The following NAXD variants were observed in gnomAD, a reference collection of about 807,000 sequenced individuals.
NAXD encodes the protein ATP-dependent (S)-NAD(P)H-hydrate dehydratase.
Under a neutral mutation model 35.8 loss-of-function variants are expected in NAXD, and 22 were observed. That is an observed-to-expected ratio of 0.62 (90% CI 0.44 to 0.88). The LOEUF (loss-of-function observed/expected upper bound fraction) is 0.88, where lower values mean the gene tolerates loss of function less well. NAXD is among the 40% of genes least tolerant of loss of function. The pLI is 0.00. For missense variants in NAXD, 428 were observed against 437.7 expected, an observed-to-expected ratio of 0.98 and a Z score of 0.20; for synonymous variants, 189 against 177.6, an observed-to-expected ratio of 1.06 and a Z score of -0.51.
In NAXD at chr13:110,638,486, CGCCGAGGTGGGG is replaced by C; in HGVS notation, c.953_964del (p.Glu318_Ala321del). On this transcript the variant is annotated inframe_deletion, in exon 10 of 10. Transcript: ENST00000680254. This position sits in a 1 kb window ranked among gnomAD's most constrained non-coding sequence, Gnocchi z 5.4. ...GCTCCACCACCACCTCCGACATGAT[CGCCGAGGTGGGG>C]GCCGCCTTCAGCAAGCTCTTTGAAA... The C allele has an allele frequency of 6.2e-7, 1 of 1,613,066 alleles. No individual in the cohort carries two copies. The highest frequency in any genetic ancestry group is 1.7e-5 in the Admixed American group (1 of 59,986).
Position 110,627,497 on chromosome 13 carries a change from G to A in NAXD, c.391G>A (p.Val131Ile), listed in dbSNP as rs3742192. 19,456 of 1,614,054 alleles carry A rather than the reference G, an allele frequency of 0.012. 792 individuals carry two copies. The highest frequency in any genetic ancestry group is 0.089 in the African/African-American group (6,678 of 74,986). The change falls in exon 5 of 10, where the codon GTC becomes ATC. Residue 131 changes from valine to isoleucine, a missense_variant. By Grantham distance (29) the Val-to-Ile change is conservative. Coordinates refer to ENST00000680254, the MANE Select transcript of NAXD (RefSeq NM_001242882.2). ...EKWLPRLHAL[V>I]VGPGLGRDDA... ...GTGGCTGCCCCGGCTGCATGCTCTT[G>A]TCGTAGGACCTGGCTTGGGTAGAGA...
At chr13:110,617,050 AG>A (rs1886087245) in intron 1 of NAXD, among the ~76,000 whole-genome samples, 1 of 152,244 alleles carries the variant, frequency 6.6e-6, no homozygotes, top group Non-Finnish European at 1.5e-5. Context: ...CACCGTGATT[AG>A]TAGCAAGATT....
intron 8 of NAXD, 123 bp from the exon 9 acceptor site, chr13:110,637,006 G>A: frequency 8.9e-7 from 1 of 1,123,754 alleles, no homozygotes; most frequent in South Asian, 1.7e-5. Context: ...GATGTGAGTG[G>A]AGCCTCAGGC....
chr13:110,634,921 C>G, intron 7 of NAXD, 145 bp downstream of exon 7: 1 of 673,420 alleles, frequency 1.5e-6, no homozygotes, highest in Non-Finnish European at 2.6e-6. Context: ...GATGGCGCGT[C>G]TTCCCATTAA....
At chr13:110,624,463 C>T (rs1886384789) in intron 3 of NAXD, among the ~76,000 whole-genome samples, 184 bp downstream of exon 3, 1 of 152,124 alleles carries the variant, frequency 6.6e-6, no homozygotes, top group Admixed American at 6.6e-5. Flanking sequence ...TCAGTTGAAG[C>T]TCATTTTTTT....
intron 5 of NAXD, among the ~76,000 whole-genome samples, chr13:110,633,036 TCAGCCC>T (rs1229868521): frequency 1.3e-5 from 2 of 152,172 alleles, no homozygotes; most frequent in East Asian, 3.9e-4. Flanking sequence ...TTCGCATTCC[TCAGCCC>T]TTGGGTGGTC....
intron 2 of NAXD, among the ~76,000 whole-genome samples, chr13:110,622,684 A>G (rs570104169): frequency 1.2e-4 from 18 of 152,338 alleles, no homozygotes; most frequent in Admixed American, 4.6e-4. Context: ...TATTTAGGAT[A>G]GAAACACTCA....
intron 1 of NAXD, among the ~76,000 whole-genome samples, chr13:110,620,454 C>A (rs1298402851): frequency 6.6e-6 from 1 of 151,936 alleles, no homozygotes; most frequent in Admixed American, 6.6e-5. Context: ...GTGGCATGCG[C>A]CTGTAGTCCC....
At chr13:110,631,134 T>C (rs1054855231) in intron 5 of NAXD, among the ~76,000 whole-genome samples, 22 of 152,324 alleles carry the variant, frequency 1.4e-4, no homozygotes, top group African/African-American at 5.1e-4. Flanking sequence ...GAACCCACGT[T>C]GTCTGAATCT....
At chr13:110,619,078 G>T (rs1833300321) in intron 1 of NAXD, among the ~76,000 whole-genome samples, 1 of 152,220 alleles carries the variant, frequency 6.6e-6, no homozygotes, top group Non-Finnish European at 1.5e-5. Flanking sequence ...CCACCTGACA[G>T]GTGCTCCACC....
At chr13:110,620,329 C>G (rs1237805317) in intron 1 of NAXD, among the ~76,000 whole-genome samples, 2 of 151,794 alleles carry the variant, frequency 1.3e-5, no homozygotes, top group Non-Finnish European at 2.9e-5. Context: ...CACCTGTAAT[C>G]CTAGCACTTT....
rs189115635 is a variant in NAXD at position 110,637,397 on chromosome 13, C to T, written c.839+148C>T. On this transcript the variant is annotated intron_variant, in intron 9 of 9. Transcript: ENST00000680254. Reference sequence around the variant, plus strand: ...AGAGATCTCGGCACAGACGAACCCTCTTGGCAGAAGCTTCCACCCCACACT... The same window carrying T: ...AGAGATCTCGGCACAGACGAACCCTTTTGGCAGAAGCTTCCACCCCACACT... 13 of 982,560 alleles carry T rather than the reference C, an allele frequency of 1.3e-5. No homozygotes were observed. In the East Asian group the frequency reaches 2.6e-4, roughly 20 times the overall value. 60.9% of individuals were successfully genotyped at this position (982,560 alleles called of 1,614,324 possible).
intron 4 of NAXD, 84 bp downstream of exon 4, chr13:110,625,362 C>G: frequency 1.1e-6 from 1 of 891,886 alleles, no homozygotes; most frequent in Non-Finnish European, 1.8e-6. Context: ...CGAAAGCGTC[C>G]TGATGGATTT....
chr13:110,632,358 T>C (rs1886732591), intron 5 of NAXD, among the ~76,000 whole-genome samples: 1 of 152,160 alleles, frequency 6.6e-6, no homozygotes, highest in East Asian at 1.9e-4. Context: ...AGTAGCAAGA[T>C]TTATTGCAAA....
chr13:110,625,397 G>A (rs538218676), intron 4 of NAXD, 119 bp downstream of exon 4: 4 of 701,652 alleles, frequency 5.7e-6, no homozygotes, highest in African/African-American at 5.3e-5. Flanking sequence ...TTCTCAGCAG[G>A]TGCTGTAGAG....
chr13:110,637,359 T>C, intron 9 of NAXD, 110 bp downstream of exon 9: 1 of 1,271,004 alleles, frequency 7.9e-7, no homozygotes, highest in East Asian at 2.4e-5. Flanking sequence ...CAATGAACTC[T>C]AGGCTTCACT....
At chr13:110,618,056 C>G (rs1382025866) in intron 1 of NAXD, among the ~76,000 whole-genome samples, 2 of 152,190 alleles carry the variant, frequency 1.3e-5, no homozygotes, top group East Asian at 3.8e-4. Flanking sequence ...ATGTCCAGGT[C>G]AGCCCCTACC....
In NAXD at chr13:110,628,638, G is replaced by A. The variant is rs1272511191; in HGVS notation, c.441+1091G>A. Among the ~76,000 whole-genome samples, 5 of 152,154 alleles carry A rather than the reference G, an allele frequency of 3.3e-5. No individual in the cohort carries two copies. Among genetic ancestry groups the A allele is most frequent in the African/African-American group, 7.2e-5 (3 of 41,438 alleles). ...CACTGCACAGACCAGGAAAAGCGGC[G>A]TGGAGTCAGCACGGGAGCCCGTCTT... On this transcript the variant is annotated intron_variant, in intron 5 of 9. Transcript: ENST00000680254. The surrounding 1 kb of genome is among the most constrained non-coding windows in gnomAD (Gnocchi z 4.1).
chr13:110,633,959 A>G (rs1886820750), intron 5 of NAXD, among the ~76,000 whole-genome samples: 1 of 152,220 alleles, frequency 6.6e-6, no homozygotes. Flanking sequence ...CTGTTGGAGA[A>G]CTGGATGCCC....
Sources: allele counts gnomAD v4.1 joint callset (sites outside exome capture counted in the v4.1 genomes callset), GRCh38; gene constraint gnomAD v4.1.1; non-coding constraint Gnocchi (gnomAD v3.1); transcripts MANE v1.5; gene names NCBI Gene and HGNC (gene_info 2026-07-23, HGNC 2026-07-21).